MAGI2: variants seen among roughly 807,000 people sequenced by gnomAD.
MAGI2 encodes membrane associated guanylate kinase, WW and PDZ domain containing 2.
A neutral mutation model predicts 133.3 loss-of-function variants in MAGI2; 35 were observed. That is an observed-to-expected ratio of 0.26 (90% CI 0.20 to 0.35). The LOEUF is 0.35. MAGI2 is among the 10% of genes least tolerant of loss of function. The pLI, the probability that MAGI2 is intolerant of heterozygous loss-of-function variation, is 1.00. For synonymous variants in MAGI2, 729 were observed against 710.6 expected (o/e 1.03, Z -0.41); for missense variants, 1,636 against 1,863.4 (o/e 0.88, Z 2.25).
intron 1 of MAGI2, among the ~76,000 whole-genome samples, chr7:79,279,738 A>G (rs1157014947): frequency 2.0e-5 from 3 of 152,220 alleles, no homozygotes; most frequent in African/African-American, 7.2e-5. Context: ...AAGTAAGTCA[A>G]TAGTCCTTTC....
At chr7:79,141,675 A>G (rs558818483) in intron 1 of MAGI2, among the ~76,000 whole-genome samples, 10 of 152,224 alleles carry the variant, frequency 6.6e-5, no homozygotes, top group East Asian at 1.9e-4. Flanking sequence ...CAAAACGTCA[A>G]TTCCAGACTT....
intron 2 of MAGI2, among the ~76,000 whole-genome samples, chr7:78,894,029 C>T (rs1796999572): frequency 6.6e-6 from 1 of 152,144 alleles, no homozygotes; most frequent in Non-Finnish European, 1.5e-5. Context: ...GAAATTATCA[C>T]CGAAATGCAC....
At chr7:78,756,464 G>A (rs923815103) in intron 2 of MAGI2, among the ~76,000 whole-genome samples, 1 of 151,986 alleles carries the variant, frequency 6.6e-6, no homozygotes, top group African/African-American at 2.4e-5. Context: ...GGGACTATAG[G>A]AGCAGCTGCA....
chr7:78,786,800 T>C (rs37853), intron 2 of MAGI2, among the ~76,000 whole-genome samples: 1 of 152,048 alleles, frequency 6.6e-6, no homozygotes. Flanking sequence ...TCATCTTTTT[T>C]GTTGTGTGCC....
chr7:78,066,990 T>G (rs1027175809), intron 21 of MAGI2, among the ~76,000 whole-genome samples: 1 of 152,188 alleles, frequency 6.6e-6, no homozygotes, highest in Non-Finnish European at 1.5e-5. Context: ...AATTTTGGGT[T>G]TTGCCACATG....
intron 2 of MAGI2, among the ~76,000 whole-genome samples, chr7:78,650,010 T>C (rs967999334): frequency 6.6e-6 from 1 of 152,166 alleles, no homozygotes; most frequent in Non-Finnish European, 1.5e-5. Flanking sequence ...ATTGTGAGTG[T>C]CTAACAAGCT....
At chr7:79,257,046 C>T (rs1384785947) in intron 1 of MAGI2, among the ~76,000 whole-genome samples, 3 of 151,884 alleles carry the variant, frequency 2.0e-5, no homozygotes, top group Admixed American at 2.0e-4. Flanking sequence ...TAAATCTCAC[C>T]ACAAAAACCA....
At chr7:78,607,205 C>G (rs1241777488) in intron 3 of MAGI2, among the ~76,000 whole-genome samples, 2 of 152,118 alleles carry the variant, frequency 1.3e-5, no homozygotes, top group Non-Finnish European at 2.9e-5. Flanking sequence ...GCATCTTCTG[C>G]AGAGGTGAGA....
chr7:78,122,891 T>C (rs1820602270), intron 20 of MAGI2, among the ~76,000 whole-genome samples: 3 of 152,210 alleles, frequency 2.0e-5, no homozygotes, highest in Admixed American at 6.5e-5. Context: ...AATTAGGTTA[T>C]ATTCCTAGGA....
At chr7:78,144,630 T>G (rs566379084) in intron 16 of MAGI2, among the ~76,000 whole-genome samples, 10 of 152,316 alleles carry the variant, frequency 6.6e-5, no homozygotes, top group African/African-American at 2.4e-4. Flanking sequence ...ATTTAATTTA[T>G]TCCTCTGAAG....
At chr7:78,490,803 A>C (rs1793532576) in intron 5 of MAGI2, among the ~76,000 whole-genome samples, 1 of 152,086 alleles carries the variant, frequency 6.6e-6, no homozygotes, top group African/African-American at 2.4e-5. Flanking sequence ...AGCTGTCTCA[A>C]GGGATCTCAT....
chr7:79,012,875 T>C (rs906018056), intron 1 of MAGI2, among the ~76,000 whole-genome samples: 4 of 152,256 alleles, frequency 2.6e-5, no homozygotes, highest in Middle Eastern at 6.8e-3. Context: ...TCTTCCCGGC[T>C]TGCAAATGGC....
intron 1 of MAGI2, among the ~76,000 whole-genome samples, chr7:79,138,356 T>C (rs114761712): frequency 0.01 from 1,551 of 152,278 alleles, 32 homozygotes; most frequent in African/African-American, 0.035. Context: ...CCCTCTTCTT[T>C]AAAACTGTAT....
intron 3 of MAGI2, among the ~76,000 whole-genome samples, chr7:78,621,561 T>G (rs1010947082): frequency 2.0e-5 from 3 of 151,866 alleles, no homozygotes; most frequent in African/African-American, 7.3e-5. Flanking sequence ...TCAGCAGATG[T>G]TCTATATCAA....
chr7:78,686,956 T>A (rs777110554), intron 2 of MAGI2, among the ~76,000 whole-genome samples: 10 of 152,278 alleles, frequency 6.6e-5, no homozygotes, highest in African/African-American at 2.4e-4. Flanking sequence ...TATTGCAAGA[T>A]GTAAGTAAAA....
intron 6 of MAGI2, among the ~76,000 whole-genome samples, chr7:78,481,532 A>G (rs1792372935): frequency 6.6e-6 from 1 of 151,860 alleles, no homozygotes; most frequent in South Asian, 2.1e-4. Context: ...CAGTCACTCT[A>G]CCCAAATATT....
At chr7:79,312,912 T>A (rs1838405868) in intron 1 of MAGI2, among the ~76,000 whole-genome samples, 1 of 152,154 alleles carries the variant, frequency 6.6e-6, no homozygotes, top group Non-Finnish European at 1.5e-5. Context: ...ACCCACCGCC[T>A]TCTTCCCTTT....
At chr7:78,198,640 C>T (rs1277413445) in intron 11 of MAGI2, among the ~76,000 whole-genome samples, 3 of 152,128 alleles carry the variant, frequency 2.0e-5, no homozygotes, top group Admixed American at 6.5e-5. Context: ...CCATGTTGGC[C>T]ATGCTTGTGG....
At chr7:78,809,335 T>A (rs143862134) in intron 2 of MAGI2, among the ~76,000 whole-genome samples, 1,651 of 152,346 alleles carry the variant, frequency 0.011, 11 homozygotes, top group Non-Finnish European at 0.015. Context: ...GAATGCTTCA[T>A]CTCTACTGTC....
Sources: allele counts gnomAD v4.1 joint callset (sites outside exome capture counted in the v4.1 genomes callset), GRCh38; gene constraint gnomAD v4.1.1; transcripts MANE v1.5; gene names NCBI Gene and HGNC (gene_info 2026-07-23, HGNC 2026-07-21).